Variants in SORBS2 observed in about 807,000 individuals in gnomAD.
SORBS2 encodes sorbin and SH3 domain containing 2.
In SORBS2, 46 loss-of-function variants were observed where a neutral mutation model predicts 97.7. The observed-to-expected ratio is 0.47, with a 90% CI of 0.37 to 0.60. The LOEUF (loss-of-function observed/expected upper bound fraction) is 0.60, where lower values mean the gene tolerates loss of function less well. Among genes scored for constraint, SORBS2 ranks in the 20% least tolerant of loss-of-function variants. SORBS2 has a pLI of 0.00. For missense variants in SORBS2, 1,316 were observed against 1,282.3 expected (o/e 1.03, Z -0.40); for synonymous variants, 476 against 473.4 (o/e 1.01, Z -0.07).
At chr4:185,889,592 C>T (rs149004563) in intron 1 of SORBS2, among the ~76,000 whole-genome samples, 55 of 152,188 alleles carry the variant, frequency 3.6e-4, no homozygotes, top group African/African-American at 1.3e-3. Flanking sequence ...TATCATTCCC[C>T]GATCTCCAAT....
chr4:185,781,450 T>G (rs1584735047), intron 1 of SORBS2, among the ~76,000 whole-genome samples: 1 of 152,048 alleles, frequency 6.6e-6, no homozygotes, highest in East Asian at 1.9e-4. Flanking sequence ...GCAGCATTTC[T>G]GCCCAGATCT....
intron 1 of SORBS2, among the ~76,000 whole-genome samples, chr4:185,800,549 C>T (rs2099125350): frequency 6.6e-6 from 1 of 152,108 alleles, no homozygotes; most frequent in Non-Finnish European, 1.5e-5. Flanking sequence ...TCTTTGCTGT[C>T]CTCCCTGGGA....
intron 2 of SORBS2, among the ~76,000 whole-genome samples, chr4:185,734,871 A>T: frequency 6.6e-6 from 1 of 152,178 alleles, no homozygotes; most frequent in East Asian, 1.9e-4. Flanking sequence ...CTTGATCATT[A>T]CACCAGCTCT....
chr4:185,720,059 G>A (rs13131324), intron 2 of SORBS2, among the ~76,000 whole-genome samples: 36,780 of 152,164 alleles, frequency 0.24, 5,239 homozygotes, highest in South Asian at 0.41. Flanking sequence ...TGGCTGGAAC[G>A]CAGAACTGAT....
At chr4:185,780,259 CG>C (rs1459591481) in intron 1 of SORBS2, among the ~76,000 whole-genome samples, 1 of 152,088 alleles carries the variant, frequency 6.6e-6, no homozygotes, top group Non-Finnish European at 1.5e-5. Context: ...AGGTGATCCA[CG>C]CACCTCAGCC....
chr4:185,848,275 G>A (rs1340323889), intron 1 of SORBS2, among the ~76,000 whole-genome samples: 2 of 152,100 alleles, frequency 1.3e-5, no homozygotes, highest in Non-Finnish European at 2.9e-5. Context: ...CAACCTGCAG[G>A]GATTCCTGAG....
intron 2 of SORBS2, among the ~76,000 whole-genome samples, chr4:185,718,123 C>T (rs945079693): frequency 5.9e-5 from 9 of 151,872 alleles, no homozygotes; most frequent in Admixed American, 2.0e-4. Flanking sequence ...CCCAGCTACT[C>T]GGGAGGCTGA....
intron 1 of SORBS2, among the ~76,000 whole-genome samples, chr4:185,909,672 A>G (rs540519399): frequency 6.6e-6 from 1 of 152,352 alleles, no homozygotes; most frequent in South Asian, 2.1e-4. Context: ...CTGTGAAGAC[A>G]TTGTTTCACT....
At chr4:185,689,569 GC>G (rs1368818509) in intron 2 of SORBS2, among the ~76,000 whole-genome samples, 1 of 152,168 alleles carries the variant, frequency 6.6e-6, no homozygotes, top group Non-Finnish European at 1.5e-5. Flanking sequence ...CCACATGTCT[GC>G]AAGGTGACTG....
At chr4:185,774,425 A>C (rs1171084421) in intron 2 of SORBS2, 1 of 152,230 alleles carries the variant, frequency 6.6e-6, no homozygotes, top group East Asian at 1.9e-4. Context: ...AAAGGAAAAA[A>C]AAGGAGACTT....
At chr4:185,753,254 T>G (rs2098812153) in intron 2 of SORBS2, among the ~76,000 whole-genome samples, 3 of 152,224 alleles carry the variant, frequency 2.0e-5, no homozygotes, top group Admixed American at 2.0e-4. Flanking sequence ...AAAAAAGGTT[T>G]TGGGGAACAT....
intron 1 of SORBS2, among the ~76,000 whole-genome samples, chr4:185,859,872 C>A (rs1030858587): frequency 6.6e-6 from 1 of 152,140 alleles, no homozygotes; most frequent in African/African-American, 2.4e-5. Context: ...AAAGCAGGTG[C>A]TTAGAGACAA....
chr4:185,709,479 A>C (rs1287863569), intron 2 of SORBS2, among the ~76,000 whole-genome samples: 2 of 151,988 alleles, frequency 1.3e-5, no homozygotes, highest in African/African-American at 4.8e-5. Flanking sequence ...TTGGTAATAC[A>C]TGTTGTTACT....
At chr4:185,746,130 C>T (rs985528319) in intron 2 of SORBS2, among the ~76,000 whole-genome samples, 5 of 152,128 alleles carry the variant, frequency 3.3e-5, no homozygotes, top group Non-Finnish European at 5.9e-5. Context: ...GTTTTCTCTG[C>T]GCCTCTGGGA....
intron 1 of SORBS2, among the ~76,000 whole-genome samples, chr4:185,783,582 G>C (rs536429793): frequency 1.3e-5 from 2 of 152,148 alleles, no homozygotes; most frequent in Non-Finnish European, 2.9e-5. Flanking sequence ...GTATGGGAGA[G>C]ACACGTTAAG....
chr4:185,680,850 C>A lies in SORBS2; in HGVS notation c.-197-2028G>T, dbSNP rs9991347. ...GGCTCTGTTTCTTCACGCTGGTCAC[C>A]GTGTTGAAGATGAGGAGCCCCAGGA... On this transcript the variant is annotated intron_variant, in intron 2 of 20. Coordinates refer to the SORBS2 transcript ENST00000284776. Among the ~76,000 whole-genome samples the A allele has an allele frequency of 9.0e-3, 1,363 of 152,088 alleles. 26 individuals carry two copies. The highest frequency in any genetic ancestry group is 0.031 in the African/African-American group (1,270 of 41,488).
chr4:185,780,915 C>T (rs1183564225), intron 1 of SORBS2, among the ~76,000 whole-genome samples: 1 of 152,118 alleles, frequency 6.6e-6, no homozygotes, highest in Non-Finnish European at 1.5e-5. Context: ...CTAGTTGAAA[C>T]TTTGTTTCAT....
In SORBS2 at chr4:185,623,467, G is replaced by GTGGTGGTGGTGGTGGTGA; in HGVS notation, c.1644_1661dup (p.His549_His554dup). 1.2e-6 allele frequency: 2 copies of GTGGTGGTGGTGGTGGTGA among 1,609,224 alleles called. No individual in the cohort carries two copies. On this transcript the variant is annotated inframe_insertion, in exon 7 of 15. Coordinates refer to ENST00000418609, the Ensembl canonical transcript of SORBS2. This position sits in a 1 kb window ranked among gnomAD's most constrained non-coding sequence, Gnocchi z 6.4. The stretch of plus-strand genomic sequence containing the variant: ...CTTTGCAGGAGCTGATGAGGTGGCG[G>GTGGTGGTGGTGGTGGTGA]TGGTGGTGGTGGTGGTGATGGTGGT...
In SORBS2 at chr4:185,626,707, T is replaced by A. The variant is rs75242221; in HGVS notation, c.634+125A>T. On this transcript the variant is annotated intron_variant, in intron 6 of 14. Transcript: ENST00000418609. ...GAAGAAGGCTATTGTTCTAAAACTATATTTTATTCCAGACACTGTAGGTGA... is the reference window on the plus strand; with the variant it reads ...GAAGAAGGCTATTGTTCTAAAACTAAATTTTATTCCAGACACTGTAGGTGA... The A allele has an allele frequency of 4.1e-3, 3,754 of 922,636 alleles. 156 individuals carry two copies. In the East Asian group the frequency reaches 0.085, roughly 21 times the overall value. The allele number at this position is 922,636 out of a possible 1,614,324, so 57.2% of individuals were successfully genotyped here.
Sources: allele counts gnomAD v4.1 joint callset (sites outside exome capture counted in the v4.1 genomes callset), GRCh38; gene constraint gnomAD v4.1.1; non-coding constraint Gnocchi (gnomAD v3.1); transcripts MANE v1.5; gene names NCBI Gene and HGNC (gene_info 2026-07-23, HGNC 2026-07-21).